Variants in DNAAF9 observed in about 807,000 individuals in gnomAD.
DNAAF9 encodes the protein dynein axonemal assembly factor 9, also known as shulin.
Under a neutral mutation model 167.0 loss-of-function variants are expected in DNAAF9, and 90 were observed. The observed-to-expected ratio is 0.54, with a 90% CI of 0.45 to 0.64. The LOEUF (loss-of-function observed/expected upper bound fraction) is 0.64, where lower values mean the gene tolerates loss of function less well. Among genes scored for constraint, DNAAF9 ranks in the 30% least tolerant of loss-of-function variants. DNAAF9 has a pLI of 0.00. For missense variants in DNAAF9, 1,315 were observed against 1,442.2 expected (o/e 0.91, Z 1.43); for synonymous variants, 491 against 508.8 (o/e 0.96, Z 0.47).
chr20:3,294,398 T>G lies in DNAAF9; in HGVS notation c.2120+130A>C. On this transcript the variant is annotated intron_variant, in intron 24 of 36. Coordinates refer to ENST00000252032, the MANE Select transcript of DNAAF9 (RefSeq NM_001009984.3). ...CTAGAGAATAAAATTGTGTACAGTG[T>G]GTTACTGCGACATTTTACAGTGATC... is the stretch of plus-strand genomic sequence containing the variant. The G allele has an allele frequency of 3.8e-6, 3 of 798,138 alleles. No individual in the cohort carries two copies. In the Admixed American group the frequency reaches 6.7e-5, roughly 18 times the overall value. 49.4% of individuals were successfully genotyped at this position (798,138 alleles called of 1,614,324 possible). A position where few individuals can be genotyped will look rare whatever the true frequency, so the allele number is the denominator to read the frequency against.
intron 7 of DNAAF9, among the ~76,000 whole-genome samples, chr20:3,349,212 A>AAAAAAAC (rs2070263276): frequency 2.7e-5 from 4 of 150,574 alleles, no homozygotes; most frequent in African/African-American, 7.3e-5. Context: ...AACAAAAAAA[A>AAAAAAAC]AAAAAACACC....
At position 3,369,380 on chromosome 20, in the gene DNAAF9, C is replaced by CTT. The variant is rs796134113; in HGVS notation, c.612+4666_612+4667dup. Among the ~76,000 whole-genome samples the CTT allele has an allele frequency of 3.4e-3, 490 of 144,966 alleles. 4 individuals are homozygous for CTT. The highest frequency in any genetic ancestry group is 0.012 in the African/African-American group (463 of 39,636). On this transcript the variant is annotated intron_variant, in intron 6 of 36. Transcript: ENST00000252032. ...TCAGTCTTCTAACATTTAAAGTTAA[C>CTT]TTTTTTTTTTTTTTCAGATGGAGTC...
intron 12 of DNAAF9, among the ~76,000 whole-genome samples, chr20:3,326,852 C>T (rs2069720393): frequency 6.6e-6 from 1 of 152,064 alleles, no homozygotes; most frequent in East Asian, 1.9e-4. Flanking sequence ...CAAGAGACTG[C>T]CCCTCCCTGT....
At chr20:3,287,964 TG>T (rs2068881127) in intron 26 of DNAAF9, among the ~76,000 whole-genome samples, 174 bp from the exon 27 acceptor site, 1 of 152,212 alleles carries the variant, frequency 6.6e-6, no homozygotes, top group African/African-American at 2.4e-5. Context: ...CTGGATGGGT[TG>T]GAAGCCCAGT....
At chr20:3,348,909 C>T (rs1253037814) in intron 7 of DNAAF9, among the ~76,000 whole-genome samples, 3 of 151,982 alleles carry the variant, frequency 2.0e-5, no homozygotes, top group Non-Finnish European at 4.4e-5. Flanking sequence ...CTAGTGGTTG[C>T]CTGGGGTTGG....
chr20:3,296,865 T>G lies in DNAAF9; in HGVS notation c.2014A>C (p.Arg672=), dbSNP rs369163919. The part of the protein sequence containing the change: ...QEDGLSVEQK[R]LHSSAQKLFS... ...AATACTGAAGCAGCCACTTACAATC[T>G]CTTTTGTTCCACAGATAATCCATCT... Residue 672 remains arginine, a synonymous_variant, in exon 23 of 37, where the codon AGA becomes CGA. Coordinates refer to ENST00000252032, the MANE Select transcript of DNAAF9 (RefSeq NM_001009984.3). The G allele has an allele frequency of 1.1e-4, 177 of 1,599,632 alleles. No individual in the cohort carries two copies. Among genetic ancestry groups the G allele is most frequent in the Non-Finnish European group, 1.5e-4 (173 of 1,167,510 alleles).
At chr20:3,281,143 CT>C (rs1447268614) in intron 28 of DNAAF9, among the ~76,000 whole-genome samples, 1 of 152,154 alleles carries the variant, frequency 6.6e-6, no homozygotes, top group Non-Finnish European at 1.5e-5. Context: ...ATTTTCGTGC[CT>C]CAGCCTCCTG....
chr20:3,390,647 G>A (rs1204162220), intron 1 of DNAAF9, among the ~76,000 whole-genome samples: 1 of 152,192 alleles, frequency 6.6e-6, no homozygotes, highest in Admixed American at 6.5e-5. Context: ...TTACAAGTGT[G>A]AGGTGCCACG....
intron 31 of DNAAF9, among the ~76,000 whole-genome samples, chr20:3,260,500 TACCTA>T (rs1272994164): frequency 6.6e-6 from 1 of 152,178 alleles, no homozygotes; most frequent in African/African-American, 2.4e-5. Context: ...ATGAAGGTTT[TACCTA>T]ACCTTAGACT....
Position 3,273,001 on chromosome 20 carries a change from T to C in DNAAF9, c.2651-2439A>G, listed in dbSNP as rs768895275. Among the ~76,000 whole-genome samples the C allele has an allele frequency of 1.6e-3, 245 of 152,182 alleles. 3 individuals are homozygous for C. The highest frequency in any genetic ancestry group is 3.4e-4 in the Non-Finnish European group (23 of 68,020). On this transcript the variant is annotated intron_variant, in intron 29 of 36. Coordinates refer to ENST00000252032, the MANE Select transcript of DNAAF9 (RefSeq NM_001009984.3). Reference sequence around the variant, plus strand: ...ATGCACCATCATGCCGGGCTAATTTTATATTTTTTAGCAGAGATGGAGTTT... The same window carrying C: ...ATGCACCATCATGCCGGGCTAATTTCATATTTTTTAGCAGAGATGGAGTTT...
chr20:3,327,120 G>C (rs2069725141), intron 12 of DNAAF9, among the ~76,000 whole-genome samples: 1 of 152,184 alleles, frequency 6.6e-6, no homozygotes, highest in Non-Finnish European at 1.5e-5. Flanking sequence ...TTCTCTGCCA[G>C]AATGGACTGC....
intron 12 of DNAAF9, among the ~76,000 whole-genome samples, chr20:3,328,187 T>TTTTTTTTGTTTTG (rs747702006): frequency 6.7e-6 from 1 of 148,238 alleles, no homozygotes; most frequent in African/African-American, 2.5e-5. Flanking sequence ...GGCTCTGTTT[T>TTTTTTTTGTTTTG]TTTTTTTTTT....
In DNAAF9 at chr20:3,381,495, A is replaced by G. The variant is rs1276749255; in HGVS notation, c.167T>C (p.Ile56Thr). Residue 56 changes from isoleucine to threonine, a missense_variant, in exon 3 of 37, where the codon ATC (isoleucine) becomes ACC (threonine). This residue lies in a region of DNAAF9 where 981 missense variants were observed against 1,012.5 expected (regional missense o/e 0.97). Coordinates refer to ENST00000252032, the MANE Select transcript of DNAAF9 (RefSeq NM_001009984.3). ...GCAGCCTTCATTGTACCTGCTATCG[A>G]TTCCTGCAAGGCAAAGGAGGCTCTG... is the stretch of plus-strand genomic sequence containing the variant. ...RPDGILCILG[I>T]DSRYNEGCRE... 1 of 1,613,536 alleles carries G rather than the reference A, an allele frequency of 6.2e-7. No homozygotes were observed. Among genetic ancestry groups the G allele is most frequent in the Non-Finnish European group, 8.5e-7 (1 of 1,179,914 alleles).
rs144089935 is a variant in DNAAF9 at position 3,293,236 on chromosome 20, T to A, written c.2238+903A>T. Among the ~76,000 whole-genome samples the A allele has an allele frequency of 5.9e-3, 712 of 121,680 alleles. 2 individuals carry two copies. Among genetic ancestry groups the A allele is most frequent in the Middle Eastern group, 0.013 (2 of 150 alleles). The allele number at this position is 121,680 out of a possible 152,430, so 79.8% of individuals were successfully genotyped here. On this transcript the variant is annotated intron_variant, in intron 25 of 36. Coordinates refer to ENST00000252032, the MANE Select transcript of DNAAF9 (RefSeq NM_001009984.3). The stretch of plus-strand genomic sequence containing the variant: ...TGAACCTGGGAGGTGGATGTTGCAG[T>A]GAGCCAAGATCACACCACTGCACTC...
At chr20:3,317,576 A>C (rs79216507) in intron 17 of DNAAF9, among the ~76,000 whole-genome samples, 65 of 152,198 alleles carry the variant, frequency 4.3e-4, no homozygotes, top group Non-Finnish European at 8.2e-4. Context: ...AACAGGTAAA[A>C]AAATAATATC....
At chr20:3,291,357 T>C (rs1761338856) in intron 25 of DNAAF9, among the ~76,000 whole-genome samples, 1 of 150,764 alleles carries the variant, frequency 6.6e-6, no homozygotes, top group Non-Finnish European at 1.5e-5. Flanking sequence ...TTTTTTTTTT[T>C]TTTTTGAGAC....
rs371715076 is a variant in DNAAF9, at chr20:3,340,527, C to T, written c.958G>A (p.Gly320Ser). Residue 320 changes from glycine (G) to serine (S), a missense_variant, in exon 10 of 37, where the codon GGC (glycine) becomes AGC (serine). This residue lies in a region of DNAAF9 where 981 missense variants were observed against 1,012.5 expected (regional missense o/e 0.97). Transcript: ENST00000252032. ...EGHLVRSTGP[G>S]GSFAKHMVAQ... ...ACCATGTGCTTGGCAAAGCTCCCGCCGGGACCAGTGCTTCGTACCAGATGT... is the reference window on the plus strand; with the variant it reads ...ACCATGTGCTTGGCAAAGCTCCCGCTGGGACCAGTGCTTCGTACCAGATGT... 3.7e-6 allele frequency: 6 copies of T among 1,607,568 alleles called. No individual in the cohort carries two copies. Among genetic ancestry groups the T allele is most frequent in the African/African-American group, 1.3e-5 (1 of 74,444 alleles).
At chr20:3,270,331 T>G in intron 30 of DNAAF9, 96 bp downstream of exon 30, 1 of 1,180,082 alleles carries the variant, frequency 8.5e-7, no homozygotes, top group Non-Finnish European at 1.2e-6. Context: ...CTCCAAATGT[T>G]TAGGTCTTAG....
chr20:3,281,494 A>C (rs1435572692), intron 28 of DNAAF9, 147 bp downstream of exon 28: 2 of 596,326 alleles, frequency 3.4e-6, no homozygotes, highest in Non-Finnish European at 5.4e-6. Context: ...CTATAAGTCC[A>C]AAGGGGTCTA....
Sources: allele counts gnomAD v4.1 joint callset (sites outside exome capture counted in the v4.1 genomes callset), GRCh38; gene constraint gnomAD v4.1.1; regional missense constraint gnomAD v4.1.1; transcripts MANE v1.5; gene names NCBI Gene and HGNC (gene_info 2026-07-23, HGNC 2026-07-21).